Variants in CWC22 observed in about 807,000 individuals in gnomAD.
CWC22 encodes CWC22 spliceosome associated protein, also known as pre-mRNA-splicing factor CWC22 homolog.
In CWC22, 53 loss-of-function variants were observed where a neutral mutation model predicts 117.2. The ratio of observed to expected loss-of-function variants is 0.45; its 90% CI spans 0.36 to 0.57. The LOEUF is 0.57. Among genes scored for constraint, CWC22 ranks in the 20% least tolerant of loss-of-function variants. The pLI is 0.00. For synonymous variants in CWC22, 360 were observed against 355.6 expected (o/e 1.01, Z -0.14); for missense variants, 980 against 1,068.8 (o/e 0.92, Z 1.16).
intron 6 of CWC22, among the ~76,000 whole-genome samples, chr2:179,977,829 C>A (rs1162249161): frequency 1.3e-5 from 2 of 152,052 alleles, no homozygotes. Context: ...CAAATATACA[C>A]AATTTTTACT....
rs372078508 is a variant in CWC22 at position 179,955,042 on chromosome 2, G to C, written c.1459-8C>G. On this transcript the variant is annotated splice_region_variant and splice_polypyrimidine_tract_variant and intron_variant, in intron 14 of 19. Coordinates refer to ENST00000410053, the MANE Select transcript of CWC22 (RefSeq NM_020943.3). ...CATGTTGCAGAGTTCTTTCTATTTG[G>C]GAAAAAAAATACATTAATGATTCAA... 2,184 of 1,572,996 alleles carry C rather than the reference G, an allele frequency of 1.4e-3. 5 individuals are homozygous for C. Among genetic ancestry groups the C allele is most frequent in the Admixed American group, 2.6e-3 (144 of 56,156 alleles).
rs1478291399 is a variant in CWC22, at chr2:179,971,018, T to A, written c.863A>T (p.Asp288Val). The change falls in exon 9 of 20, where the codon GAT (aspartate) becomes GTT (valine). Residue 288 changes from aspartate (D) to valine (V), a missense_variant. By Grantham distance (152) the Asp-to-Val change is radical. Around this residue, in one of 3 missense-constraint regions of CWC22, gnomAD observed 559 missense variants for 602.3 expected, o/e 0.93. Transcript: ENST00000410053. ...LTLLLERPTD[D>V]SVEVAIGFLK... ...AAAACCAATAGCTACTTCAACGCTA[T>A]CATCTGTTGGTCTTTCCAGGAGCAA... The A allele has an allele frequency of 2.5e-6, 4 of 1,610,906 alleles. No individual in the cohort carries two copies. The African/African-American group carries it at 5.3e-5, about 22-fold the overall frequency.
In CWC22 at chr2:179,965,108, C is replaced by T. The variant is rs1369044393; in HGVS notation, c.1316-480G>A. The stretch of plus-strand genomic sequence containing the variant: ...AATGCATGAAAACTTTCCTTATAAA[C>T]ATTTAATAGTTTTTATCTGAACAGT... On this transcript the variant is annotated intron_variant, in intron 12 of 19. Transcript: ENST00000410053. 3.3e-5 allele frequency among the ~76,000 whole-genome samples: 5 copies of T among 152,092 alleles called. No individual in the cohort carries two copies. The South Asian group carries it at 1.0e-3, about 31-fold the overall frequency.
At position 179,981,818 on chromosome 2, in the gene CWC22, G is replaced by A. The variant is rs1026762089; in HGVS notation, c.386C>T (p.Thr129Ile). 6.2e-7 allele frequency: 1 copy of A among 1,613,896 alleles called. No homozygotes were observed. Among genetic ancestry groups the A allele is most frequent in the Non-Finnish European group, 8.5e-7 (1 of 1,179,858 alleles). The change falls in exon 5 of 20, where the codon ACT becomes ATT. Residue 129 changes from threonine to isoleucine, a missense_variant. By Grantham distance (89) the Thr-to-Ile change is moderately conservative (BLOSUM62 -1). This residue lies in a region of CWC22 where 559 missense variants were observed against 602.3 expected (regional missense o/e 0.93). Coordinates refer to ENST00000410053, the MANE Select transcript of CWC22 (RefSeq NM_020943.3). ...KDELDPLLTR[T>I]GGAYIPPAKL... ...TGCAGGGGGAATATATGCTCCACCA[G>A]TGCGAGTAAGAAGAGGATCCAGCTC...
chr2:179,960,481 A>T (rs1295480710), intron 13 of CWC22, among the ~76,000 whole-genome samples: 1 of 152,062 alleles, frequency 6.6e-6, no homozygotes, highest in Non-Finnish European at 1.5e-5. Flanking sequence ...AATAATTACA[A>T]CTACCTAACA....
chr2:179,959,882 C>CTA (rs1328907819), intron 13 of CWC22, among the ~76,000 whole-genome samples: 2 of 152,106 alleles, frequency 1.3e-5, no homozygotes, highest in Middle Eastern at 3.4e-3. Context: ...AGTATCATAG[C>CTA]ATGTGAATAA....
At chr2:179,991,986 C>A (rs890129567) in intron 2 of CWC22, among the ~76,000 whole-genome samples, 3 of 152,178 alleles carry the variant, frequency 2.0e-5, no homozygotes, top group Non-Finnish European at 4.4e-5. Context: ...GAAAAGATTG[C>A]AGCAGAGGCT....
intron 6 of CWC22, among the ~76,000 whole-genome samples, chr2:179,977,650 A>G (rs1326793937): frequency 6.6e-6 from 1 of 152,154 alleles, no homozygotes; most frequent in Non-Finnish European, 1.5e-5. Context: ...ATTCTACAAT[A>G]TTTTGACCAC....
chr2:179,990,380 T>C (rs17779690), intron 2 of CWC22, among the ~76,000 whole-genome samples: 1,633 of 152,302 alleles, frequency 0.011, 20 homozygotes, highest in Middle Eastern at 0.031. Flanking sequence ...TGATCACTTA[T>C]TATAAGACAT....
chr2:179,979,614 T>C lies in CWC22; in HGVS notation c.453-1296A>G, dbSNP rs180819723. On this transcript the variant is annotated intron_variant, in intron 5 of 19. Transcript: ENST00000410053. The stretch of plus-strand genomic sequence containing the variant: ...GTATTGTATCACTGATATTGTTTAG[T>C]ATTGCTAGCATGGTGAGGATAAAAA... 2.0e-3 allele frequency among the ~76,000 whole-genome samples: 307 copies of C among 152,248 alleles called. 2 individuals are homozygous for C. Among genetic ancestry groups the C allele is most frequent in the African/African-American group, 6.9e-3 (287 of 41,552 alleles).
intron 1 of CWC22, among the ~76,000 whole-genome samples, chr2:180,005,489 T>C (rs1368305783): frequency 4.6e-5 from 7 of 152,026 alleles, no homozygotes; most frequent in Middle Eastern, 3.2e-3. Flanking sequence ...GGCAGGAGAA[T>C]GGCATGAACT....
chr2:180,005,764 A>C (rs1289832662), intron 1 of CWC22, among the ~76,000 whole-genome samples: 2 of 152,184 alleles, frequency 1.3e-5, no homozygotes, highest in Non-Finnish European at 2.9e-5. Flanking sequence ...ATTTTTCTTT[A>C]TACTCAAAAA....
At chr2:179,968,392 C>G (rs766016658) in intron 11 of CWC22, among the ~76,000 whole-genome samples, 6 of 152,050 alleles carry the variant, frequency 3.9e-5, no homozygotes, top group African/African-American at 4.8e-5. Flanking sequence ...ATTTTCTTCA[C>G]ATACTTCAAT....
At chr2:179,998,948 ATT>A (rs769205751) in intron 1 of CWC22, among the ~76,000 whole-genome samples, 1 of 152,084 alleles carries the variant, frequency 6.6e-6, no homozygotes, top group Non-Finnish European at 1.5e-5. Flanking sequence ...TTCTATTTAA[ATT>A]TACATATTTC....
In CWC22 at chr2:179,950,749, T is replaced by C; in HGVS notation, c.1920-17A>G. The C allele has an allele frequency of 6.2e-7, 1 of 1,606,376 alleles. No individual in the cohort carries two copies. Among genetic ancestry groups the C allele is most frequent in the Non-Finnish European group, 8.5e-7 (1 of 1,173,528 alleles). ...AGTTCATCCCTAATTTAAAATATAA[T>C]CTGTTAGATTCTATTTCAAAGACAA... On this transcript the variant is annotated splice_polypyrimidine_tract_variant and intron_variant, in intron 18 of 19. Transcript: ENST00000410053.
rs531055643 is a variant in CWC22 at position 179,965,281 on chromosome 2, A to G, written c.1315+597T>C. 7.0e-4 allele frequency among the ~76,000 whole-genome samples: 106 copies of G among 152,348 alleles called. 1 individual carries two copies. Among genetic ancestry groups the G allele is most frequent in the Admixed American group, 1.7e-3 (26 of 15,300 alleles). ...TAAAAGGCAAATGTATACTTTTAAT[A>G]TCTTCACACATGCAATACATGTAAA... On this transcript the variant is annotated intron_variant, in intron 12 of 19. Transcript: ENST00000410053.
At position 179,950,545 on chromosome 2, in the gene CWC22, A is replaced by T; in HGVS notation, c.2107T>A (p.Ser703Thr). Reference sequence around the variant, plus strand: ...GAGCTATGACTACTGATGGATGAAGAGTCGCTCTCTTCACTGGAAGACTCT... The same window carrying T: ...GAGCTATGACTACTGATGGATGAAGTGTCGCTCTCTTCACTGGAAGACTCT... Reference protein sequence around the residue: ...SSESSSEESDSSSISSHSSAS... With the variant: ...SSESSSEESDTSSISSHSSAS... Residue 703 changes from serine to threonine, a missense_variant, in exon 19 of 20, where the codon TCT (serine) becomes ACT (threonine). Physicochemically the swap from Ser to Thr is moderately conservative, Grantham distance 58 (BLOSUM62 1). Coordinates refer to ENST00000410053, the MANE Select transcript of CWC22 (RefSeq NM_020943.3). 6.2e-7 allele frequency: 1 copy of T among 1,612,724 alleles called. No individual in the cohort carries two copies. The highest frequency in any genetic ancestry group is 8.5e-7 in the Non-Finnish European group (1 of 1,179,124).
In CWC22 at chr2:179,959,095, T is replaced by A; in HGVS notation, c.1398-13A>T. 2 of 1,537,264 alleles carry A rather than the reference T, an allele frequency of 1.3e-6. No homozygotes were observed. The highest frequency in any genetic ancestry group is 1.8e-6 in the Non-Finnish European group (2 of 1,129,494). ...TTCAAAATCTAAACTGTGGAAATGA[T>A]CACAATAGGTTAAAAGCTTGCAACA... On this transcript the variant is annotated splice_polypyrimidine_tract_variant and intron_variant, in intron 13 of 19. Transcript: ENST00000410053.
intron 13 of CWC22, among the ~76,000 whole-genome samples, chr2:179,962,072 A>G (rs999049122): frequency 3.9e-5 from 6 of 152,170 alleles, no homozygotes; most frequent in African/African-American, 1.4e-4. Context: ...TACAACTTCA[A>G]TAAAATAAAA....
Sources: allele counts gnomAD v4.1 joint callset (sites outside exome capture counted in the v4.1 genomes callset), GRCh38; gene constraint gnomAD v4.1.1; regional missense constraint gnomAD v4.1.1; transcripts MANE v1.5; gene names NCBI Gene and HGNC (gene_info 2026-07-23, HGNC 2026-07-21).